Variants in CD4 observed in about 807,000 individuals in gnomAD.
CD4 encodes the protein T-cell surface glycoprotein CD4.
Under a neutral mutation model 50.5 loss-of-function variants are expected in CD4, and 25 were observed. The observed-to-expected ratio is 0.49, with a 90% CI of 0.36 to 0.69. The LOEUF is 0.69. CD4 is among the 30% of genes least tolerant of loss of function. The probability of loss-of-function intolerance (pLI) is 0.00; values close to 1 mark genes in which losing one functional copy is unlikely to be tolerated. For synonymous variants in CD4, 207 were observed against 221.9 expected (o/e 0.93, Z 0.60); for missense variants, 456 against 548.5 (o/e 0.83, Z 1.68).
chr12:6,817,286 T>G lies in CD4; in HGVS notation c.1112T>G (p.Leu371Arg), dbSNP rs1290948170. The G allele has an allele frequency of 1.3e-6, 2 of 1,578,504 alleles. No individual in the cohort carries two copies. The highest frequency in any genetic ancestry group is 2.7e-5 in the African/African-American group (2 of 74,070). The change falls in exon 7 of 10, where the codon CTG (leucine) becomes CGG (arginine). Residue 371 changes from leucine to arginine, a missense_variant. Coordinates refer to ENST00000011653, the MANE Select transcript of CD4 (RefSeq NM_000616.5). The stretch of plus-strand genomic sequence containing the variant: ...CCTGAGGCGGGGATGTGGCAGTGTC[T>G]GCTGAGTGACTCGGGACAGGTCCTG... ...LNPEAGMWQC[L>R]LSDSGQVLLE...
rs1172554221 is a variant in CD4, at chr12:6,792,809, G to A, written c.-68+3147G>A. Among the ~76,000 whole-genome samples, 1 of 152,202 alleles carries A rather than the reference G, an allele frequency of 6.6e-6. No homozygotes were observed. The highest frequency in any genetic ancestry group is 1.5e-5 in the Non-Finnish European group (1 of 68,036). On this transcript the variant is annotated intron_variant, in intron 1 of 9. Coordinates refer to ENST00000011653, the MANE Select transcript of CD4 (RefSeq NM_000616.5). The surrounding 1 kb of genome is among the most constrained non-coding windows in gnomAD (Gnocchi z 4.1). The stretch of plus-strand genomic sequence containing the variant: ...AGGAGAAGAGGCAAGGGGCATTCCA[G>A]GGGAGCCCGGGAGAGCCAGCACGGC...
chr12:6,811,084 T>C (rs1942922883), intron 3 of CD4, among the ~76,000 whole-genome samples: 1 of 152,000 alleles, frequency 6.6e-6, no homozygotes, highest in African/African-American at 2.4e-5. Context: ...ACTGAACTGG[T>C]ATCCAGGCTC....
Position 6,800,281 on chromosome 12 carries a change from A to G in CD4, c.50-26A>G, listed in dbSNP as rs1176744022. On this transcript the variant is annotated intron_variant, in intron 2 of 9. Coordinates refer to ENST00000011653, the MANE Select transcript of CD4 (RefSeq NM_000616.5). ...AGAGGGGGACAGCGGCGACATTGAG[A>G]CCTGACTCCTTTCTTTTCCACTTAG... The G allele has an allele frequency of 7.4e-6, 12 of 1,613,562 alleles. No individual in the cohort carries two copies. The Admixed American group carries it at 1.0e-4, about 13-fold the overall frequency.
intron 3 of CD4, among the ~76,000 whole-genome samples, chr12:6,812,614 G>C (rs1942968881): frequency 6.6e-6 from 1 of 152,012 alleles, no homozygotes; most frequent in South Asian, 2.1e-4. Flanking sequence ...GGGAGGCGGA[G>C]GTTGCGGTGA....
At position 6,816,101 on chromosome 12, in the gene CD4, A is replaced by C. The variant is rs1343266344; in HGVS notation, c.653A>C (p.Gln218Pro). 8.7e-6 allele frequency: 14 copies of C among 1,614,068 alleles called. No individual in the cohort carries two copies. The highest frequency in any genetic ancestry group is 8.3e-5 in the Admixed American group (5 of 60,004). Residue 218 changes from glutamine (Q) to proline (P), a missense_variant, in exon 6 of 10, where the codon CAG becomes CCG. Gln to Pro is a moderately conservative substitution (Grantham distance 76). Coordinates refer to ENST00000011653, the MANE Select transcript of CD4 (RefSeq NM_000616.5). The surrounding 1 kb of genome is among the most constrained non-coding windows in gnomAD (Gnocchi z 4.9). ...ATAGTCTATAAGAAAGAGGGGGAACAGGTGGAGTTCTCCTTCCCACTCGCC... is the reference window on the plus strand; with the variant it reads ...ATAGTCTATAAGAAAGAGGGGGAACCGGTGGAGTTCTCCTTCCCACTCGCC... The part of the protein sequence containing the change: ...SSIVYKKEGE[Q>P]VEFSFPLAFT...
intron 3 of CD4, among the ~76,000 whole-genome samples, chr12:6,804,239 A>G (rs1347075264): frequency 6.6e-6 from 1 of 152,150 alleles, no homozygotes; most frequent in African/African-American, 2.4e-5. Context: ...TTTAATGGTG[A>G]AAAACTGAAT....
chr12:6,801,262 A>T (rs1942537150), intron 3 of CD4, among the ~76,000 whole-genome samples: 1 of 151,444 alleles, frequency 6.6e-6, no homozygotes, highest in Non-Finnish European at 1.5e-5. Flanking sequence ...TCACACCTGT[A>T]ATCCAGAACT....
At chr12:6,805,853 G>A (rs996468947) in intron 3 of CD4, among the ~76,000 whole-genome samples, 1 of 151,968 alleles carries the variant, frequency 6.6e-6, no homozygotes, top group Non-Finnish European at 1.5e-5. Flanking sequence ...GAGGTGGGAA[G>A]ATCGCTTGAG....
At chr12:6,794,873 G>A (rs1291895973) in intron 1 of CD4, among the ~76,000 whole-genome samples, 5 of 144,402 alleles carry the variant, frequency 3.5e-5, no homozygotes, top group African/African-American at 7.6e-5. Flanking sequence ...CTGAACCTCC[G>A]CCTCCTGGGT....
chr12:6,817,610 G>GC (rs139270929), intron 7 of CD4, among the ~76,000 whole-genome samples: 6,112 of 151,820 alleles, frequency 0.04, 374 homozygotes, highest in African/African-American at 0.14. Flanking sequence ...CTGACCGAGA[G>GC]CCCCCCTCCC....
chr12:6,818,535 A>G lies in CD4; in HGVS notation c.1271A>G (p.His424Arg), dbSNP rs1334918117. ...LGIFFCVRCR[H>R]RRRQAERMSQ... ...ATCTTCTTCTGTGTCAGGTGCCGGC[A>G]CCGAAGGGTGAGTAACCCCACACCT... Residue 424 changes from histidine to arginine, a missense_variant, in exon 8 of 10, where the codon CAC becomes CGC. By Grantham distance (29) the His-to-Arg change is conservative. Coordinates refer to ENST00000011653, the MANE Select transcript of CD4 (RefSeq NM_000616.5). This position sits in a 1 kb window ranked among gnomAD's most constrained non-coding sequence, Gnocchi z 5.0. 1.1e-5 allele frequency: 17 copies of G among 1,612,618 alleles called. No individual in the cohort carries two copies. Among genetic ancestry groups the G allele is most frequent in the Non-Finnish European group, 1.4e-5 (17 of 1,180,020 alleles).
Position 6,818,784 on chromosome 12 carries a change from C to T in CD4, c.1279-63C>T. 2.0e-6 allele frequency: 3 copies of T among 1,470,902 alleles called. No individual in the cohort carries two copies. The highest frequency in any genetic ancestry group is 2.9e-6 in the Non-Finnish European group (3 of 1,049,812). The allele number at this position is 1,470,902 out of a possible 1,614,324, so 91.1% of individuals were successfully genotyped here. ...TCGCAGCTTCCCCCACTCCCCCCAC[C>T]AAGGGGCACCTCCCTTCTGGAGGCC... On this transcript the variant is annotated intron_variant, in intron 8 of 9. Transcript: ENST00000011653. This position sits in a 1 kb window ranked among gnomAD's most constrained non-coding sequence, Gnocchi z 5.0.
intron 3 of CD4, among the ~76,000 whole-genome samples, chr12:6,807,040 G>A (rs781934922): frequency 8.5e-5 from 13 of 152,138 alleles, no homozygotes; most frequent in Admixed American, 5.9e-4. Context: ...GGTGGCGGGC[G>A]CCTGTAGTCC....
Position 6,819,400 on chromosome 12 carries a change from A to T in CD4, c.*71A>T. On this transcript the variant is annotated 3_prime_UTR_variant, in exon 10 of 10. Transcript: ENST00000011653. ...GCCCCGCGTTTCCTGCCTGCGGACC[A>T]GATGAATGTAGCAGATCCCCAGCCT... 1 of 1,428,302 alleles carries T rather than the reference A, an allele frequency of 7.0e-7. No homozygotes were observed. Among genetic ancestry groups the T allele is most frequent in the Non-Finnish European group, 9.9e-7 (1 of 1,010,712 alleles). 88.5% of individuals were successfully genotyped at this position (1,428,302 alleles called of 1,614,324 possible). A position where few individuals can be genotyped will look rare whatever the true frequency, so the allele number is the denominator to read the frequency against.
rs1315196684 is a variant in CD4, at chr12:6,818,053, T to G, written c.1157-368T>G. Among the ~76,000 whole-genome samples, 1 of 146,422 alleles carries G rather than the reference T, an allele frequency of 6.8e-6. No homozygotes were observed. The highest frequency in any genetic ancestry group is 6.8e-5 in the Admixed American group (1 of 14,676). On this transcript the variant is annotated intron_variant, in intron 7 of 9. Transcript: ENST00000011653. The surrounding 1 kb of genome is among the most constrained non-coding windows in gnomAD (Gnocchi z 5.0). ...GCACACAGGCACACATTCACACACATGCACACACGCACACACATTCACACA... is the reference window on the plus strand; with the variant it reads ...GCACACAGGCACACATTCACACACAGGCACACACGCACACACATTCACACA...
At chr12:6,794,982 C>T (rs1383678846) in intron 1 of CD4, among the ~76,000 whole-genome samples, 1 of 151,376 alleles carries the variant, frequency 6.6e-6, no homozygotes, top group Non-Finnish European at 1.5e-5. Context: ...AGAAGGGTTT[C>T]ACCATGTTGG....
Position 6,816,085 on chromosome 12 carries a change from A to G in CD4, c.637A>G (p.Lys213Glu), listed in dbSNP as rs782038161. ...AFQKASSIVY[K>E]KEGEQVEFSF... is the part of the protein sequence containing the mutation. ...CCAGAAGGCCTCCAGCATAGTCTAT[A>G]AGAAAGAGGGGGAACAGGTGGAGTT... is the stretch of plus-strand genomic sequence containing the variant. Residue 213 changes from lysine (K) to glutamate (E), a missense_variant, in exon 6 of 10, where the codon AAG becomes GAG. Lys to Glu is a moderately conservative substitution (Grantham distance 56, BLOSUM62 1). Transcript: ENST00000011653. This position sits in a 1 kb window ranked among gnomAD's most constrained non-coding sequence, Gnocchi z 4.9. 4 of 1,614,096 alleles carry G rather than the reference A, an allele frequency of 2.5e-6. No homozygotes were observed. The Middle Eastern group carries it at 4.9e-4, about 200-fold the overall frequency.
At position 6,792,135 on chromosome 12, in the gene CD4, G is replaced by A. The variant is rs1942179671; in HGVS notation, c.-68+2473G>A. On this transcript the variant is annotated intron_variant, in intron 1 of 9. Transcript: ENST00000011653. This position sits in a 1 kb window ranked among gnomAD's most constrained non-coding sequence, Gnocchi z 4.1. ...CTAGTCAGCAGTAGAGAGGGTGAAC[G>A]CGGTGGGGCACATCCCGCGGCTGGG... Among the ~76,000 whole-genome samples, 1 of 152,174 alleles carries A rather than the reference G, an allele frequency of 6.6e-6. No homozygotes were observed. Among genetic ancestry groups the A allele is most frequent in the Non-Finnish European group, 1.5e-5 (1 of 68,032 alleles).
chr12:6,801,649 C>T (rs782660220), intron 3 of CD4, among the ~76,000 whole-genome samples: 2 of 151,562 alleles, frequency 1.3e-5, no homozygotes, highest in Admixed American at 1.3e-4. Context: ...CAACCTCCAC[C>T]TCCCGGGTTC....
Sources: allele counts gnomAD v4.1 joint callset (sites outside exome capture counted in the v4.1 genomes callset), GRCh38; gene constraint gnomAD v4.1.1; non-coding constraint Gnocchi (gnomAD v3.1); transcripts MANE v1.5; gene names NCBI Gene and HGNC (gene_info 2026-07-23, HGNC 2026-07-21).